UBA3: variants seen among roughly 807,000 people sequenced by gnomAD.
UBA3 encodes ubiquitin like modifier activating enzyme 3.
UBA3 carries 26 observed loss-of-function variants against 73.5 expected under a neutral mutation model. The ratio of observed to expected loss-of-function variants is 0.35; its 90% confidence interval spans 0.26 to 0.49. UBA3 has a LOEUF of 0.49. Among genes scored for constraint, UBA3 ranks in the 20% least tolerant of loss-of-function variants. The probability of loss-of-function intolerance (pLI) is 0.98; values close to 1 mark genes in which losing one functional copy is unlikely to be tolerated. For missense variants in UBA3, 495 were observed against 555.6 expected (o/e 0.89, Z 1.10); for synonymous variants, 217 against 191.2 (o/e 1.13, Z -1.11).
At chr3:69,071,715 T>TAA in intron 4 of UBA3, 98 bp from the exon 5 acceptor site, 1 of 695,618 alleles carries the variant, frequency 1.4e-6, no homozygotes, top group Non-Finnish European at 2.3e-6. Context: ...AAATTCTCAG[T>TAA]AATAAATTCT....
Position 69,062,113 on chromosome 3 carries a change from T to A in UBA3, c.760A>T (p.Arg254Trp). The A allele has an allele frequency of 6.2e-7, 1 of 1,613,608 alleles. No homozygotes were observed. The highest frequency in any genetic ancestry group is 8.5e-7 in the Non-Finnish European group (1 of 1,179,662). ...RLPEHCIEYV[R>W]MLQWPKEQPF... ...TGCTCCTTAGGCCACTGCAACATCCTTACATACTCAATACAGTGTTCTGGT... is the reference window on the plus strand; with the variant it reads ...TGCTCCTTAGGCCACTGCAACATCCATACATACTCAATACAGTGTTCTGGT... The change falls in exon 10 of 18, where the codon AGG becomes TGG. Residue 254 changes from arginine (R) to tryptophan (W), a missense_variant. Arg to Trp is a moderately radical substitution (Grantham distance 101). Coordinates refer to ENST00000361055, the MANE Select transcript of UBA3 (RefSeq NM_003968.4).
intron 6 of UBA3, among the ~76,000 whole-genome samples, chr3:69,065,466 AACC>A (rs2092062470): frequency 2.6e-5 from 4 of 152,192 alleles, no homozygotes; most frequent in Admixed American, 2.6e-4. Context: ...AGATTTGTGT[AACC>A]ACCACCCCAG....
chr3:69,060,910 C>G (rs968958132), intron 11 of UBA3, among the ~76,000 whole-genome samples: 52 of 152,230 alleles, frequency 3.4e-4, no homozygotes, highest in African/African-American at 1.2e-3. Flanking sequence ...TAAAAGCTTC[C>G]TGAGGTCTCA....
chr3:69,061,635 G>T, intron 11 of UBA3, 179 bp downstream of exon 11: 1 of 493,552 alleles, frequency 2.0e-6, no homozygotes, highest in Non-Finnish European at 3.6e-6. Context: ...GCCTAAGTAA[G>T]TAAGATTCAA....
At chr3:69,057,824 C>T (rs1320379863) in intron 11 of UBA3, among the ~76,000 whole-genome samples, 1 of 151,196 alleles carries the variant, frequency 6.6e-6, no homozygotes, top group Non-Finnish European at 1.5e-5. Context: ...GATTCACAAA[C>T]ATTCAAAAAA....
intron 3 of UBA3, 104 bp downstream of exon 3, chr3:69,077,694 T>G (rs1486825184): frequency 1.6e-6 from 2 of 1,258,006 alleles, no homozygotes; most frequent in Non-Finnish European, 2.1e-6. Flanking sequence ...ACAAAACAAT[T>G]TTATTAGTAT....
chr3:69,056,577 T>G, intron 14 of UBA3, 35 bp downstream of exon 14: 1 of 1,526,964 alleles, frequency 6.5e-7, no homozygotes, highest in Non-Finnish European at 9.0e-7. Context: ...AATCAAAATA[T>G]GCATGATCAA....
intron 2 of UBA3, among the ~76,000 whole-genome samples, chr3:69,078,513 G>A (rs2092188691): frequency 1.3e-5 from 2 of 151,846 alleles, no homozygotes; most frequent in Admixed American, 6.6e-5. Flanking sequence ...TCACTGTGTT[G>A]CCCAGGCTGG....
At position 69,056,609 on chromosome 3, in the gene UBA3, A is replaced by G; in HGVS notation, c.1083+3T>C. The G allele has an allele frequency of 2.5e-6, 4 of 1,604,328 alleles. No individual in the cohort carries two copies. The highest frequency in any genetic ancestry group is 3.4e-6 in the Non-Finnish European group (4 of 1,173,736). ...TCAAAAATGTGTTCTTAATACTACT[A>G]ACCTTTCTTTCTGCTTCAAATGTGT... On this transcript the variant is annotated splice_donor_region_variant and intron_variant, in intron 14 of 17. Coordinates refer to ENST00000361055, the MANE Select transcript of UBA3 (RefSeq NM_003968.4).
At chr3:69,079,893 A>G (rs2092203328) in intron 2 of UBA3, 4 of 524,292 alleles carry the variant, frequency 7.6e-6, no homozygotes, top group Middle Eastern at 1.0e-3. Flanking sequence ...GAGCTGGGGC[A>G]GTACAGCCTG....
At chr3:69,058,055 C>T (rs1359524915) in intron 11 of UBA3, among the ~76,000 whole-genome samples, 1 of 151,724 alleles carries the variant, frequency 6.6e-6, no homozygotes, top group East Asian at 1.9e-4. Context: ...CTCAGCCTCC[C>T]AAGTAGCTGG....
chr3:69,066,252 A>G (rs2092070527), intron 6 of UBA3, among the ~76,000 whole-genome samples: 1 of 151,982 alleles, frequency 6.6e-6, no homozygotes, highest in South Asian at 2.1e-4. Flanking sequence ...CTATAGCTTC[A>G]AACTCCTAGT....
Position 69,057,304 on chromosome 3 carries a change from C to G in UBA3, c.916G>C (p.Val306Leu). The change falls in exon 12 of 18, where the codon GTA (valine) becomes CTA (leucine). Residue 306 changes from valine to leucine, a missense_variant. Transcript: ENST00000361055. ...GCTACTGCAGGAATGATTCTTTTTACTACCCCTGAAAAAACATATCAATTA... is the reference window on the plus strand; with the variant it reads ...GCTACTGCAGGAATGATTCTTTTTAGTACCCCTGAAAAAACATATCAATTA... ...GVTYRLTQGV[V>L]KRIIPAVAST... The G allele has an allele frequency of 1.2e-6, 2 of 1,609,736 alleles. No homozygotes were observed. Among genetic ancestry groups the G allele is most frequent in the African/African-American group, 1.3e-5 (1 of 74,800 alleles).
intron 4 of UBA3, among the ~76,000 whole-genome samples, chr3:69,074,784 TAC>T (rs1463524103): frequency 6.6e-6 from 1 of 152,226 alleles, no homozygotes; most frequent in East Asian, 1.9e-4. Flanking sequence ...TCAAATTATA[TAC>T]TTAATTTATT....
At chr3:69,062,936 C>T (rs1396113836) in intron 9 of UBA3, 46 bp downstream of exon 9, 1 of 1,600,334 alleles carries the variant, frequency 6.2e-7, no homozygotes, top group African/African-American at 1.3e-5. Context: ...ATCCCTAATT[C>T]CATGCCAAGA....
chr3:69,073,818 A>AT (rs1181689731), intron 4 of UBA3, among the ~76,000 whole-genome samples: 1 of 151,524 alleles, frequency 6.6e-6, no homozygotes, highest in East Asian at 1.9e-4. Flanking sequence ...TGTTTTCTGT[A>AT]TTTTTTAGTA....
rs191764918 is a variant in UBA3, at chr3:69,060,799, C to A, written c.910+1015G>T. Among the ~76,000 whole-genome samples the A allele has an allele frequency of 3.7e-3, 560 of 152,284 alleles. 2 individuals carry two copies. Among genetic ancestry groups the A allele is most frequent in the Non-Finnish European group, 5.7e-3 (385 of 68,024 alleles). ...TGCCCTCCCTGTGATATTAAGTTCA[C>A]GCAAGAGCTGGTTATTAAAAGAAGC... On this transcript the variant is annotated intron_variant, in intron 11 of 17. Transcript: ENST00000361055.
intron 7 of UBA3, 114 bp downstream of exon 7, chr3:69,063,954 G>T: frequency 1.1e-6 from 1 of 898,822 alleles, no homozygotes; most frequent in African/African-American, 1.7e-5. Context: ...AGCCAACAGT[G>T]AGAGAGGAAA....
intron 4 of UBA3, 190 bp downstream of exon 4, chr3:69,075,238 CTT>C (rs2092155239): frequency 4.3e-6 from 1 of 232,040 alleles, no homozygotes; most frequent in Non-Finnish European, 8.3e-6. Flanking sequence ...TAGCTGAGAG[CTT>C]TAGAATTTAA....
Sources: allele counts gnomAD v4.1 joint callset (sites outside exome capture counted in the v4.1 genomes callset), GRCh38; gene constraint gnomAD v4.1.1; transcripts MANE v1.5; gene names NCBI Gene and HGNC (gene_info 2026-07-23, HGNC 2026-07-21).